Variants in KCNIP4 observed in about 807,000 individuals in gnomAD.
KCNIP4 encodes Kv channel-interacting protein 4.
Under a neutral mutation model 34.0 loss-of-function variants are expected in KCNIP4, and 12 were observed. The observed-to-expected ratio is 0.35, with a 90% CI of 0.23 to 0.57. The LOEUF is 0.57. Ranked by LOEUF, KCNIP4 falls within the 20% of genes least tolerant of loss-of-function variation. The pLI is 0.83. For synonymous variants in KCNIP4, 124 were observed against 102.2 expected (o/e 1.21, Z -1.29); for missense variants, 238 against 311.7 (o/e 0.76, Z 1.78).
intron 1 of KCNIP4, among the ~76,000 whole-genome samples, chr4:21,121,464 C>T (rs1046903396): frequency 1.3e-5 from 2 of 152,162 alleles, no homozygotes; most frequent in East Asian, 1.9e-4. Context: ...CTAAGTCACT[C>T]GTTACATATT....
intron 1 of KCNIP4, among the ~76,000 whole-genome samples, chr4:21,127,552 C>T (rs74515154): frequency 0.17 from 25,168 of 152,140 alleles, 2,408 homozygotes; most frequent in East Asian, 0.22. Flanking sequence ...CCCCATCAGA[C>T]GCCTAATAGA....
chr4:20,834,130 A>G (rs1047801138), intron 3 of KCNIP4, among the ~76,000 whole-genome samples: 1 of 152,208 alleles, frequency 6.6e-6, no homozygotes, highest in South Asian at 2.1e-4. Context: ...AACAAGGACC[A>G]AACAAACCAG....
chr4:20,780,374 G>A (rs553065278), intron 3 of KCNIP4, among the ~76,000 whole-genome samples: 2 of 152,176 alleles, frequency 1.3e-5, no homozygotes, highest in African/African-American at 2.4e-5. Context: ...TGAAGCTCAG[G>A]TGAGTGGCTG....
chr4:20,960,167 T>G (rs1442316530), intron 1 of KCNIP4, among the ~76,000 whole-genome samples: 1 of 152,210 alleles, frequency 6.6e-6, no homozygotes, highest in African/African-American at 2.4e-5. Flanking sequence ...AAGCATGTGT[T>G]CCAGGACTGA....
chr4:20,844,813 A>G (rs1720170323), intron 3 of KCNIP4, among the ~76,000 whole-genome samples: 1 of 152,154 alleles, frequency 6.6e-6, no homozygotes, highest in Non-Finnish European at 1.5e-5. Context: ...AACACTTTGA[A>G]TGGGGTGGAA....
chr4:21,840,109 TTCATTATGC>T (rs1222380897), intron 1 of KCNIP4, among the ~76,000 whole-genome samples: 3 of 151,946 alleles, frequency 2.0e-5, no homozygotes, highest in Admixed American at 6.6e-5. Flanking sequence ...CGGAGGTAAG[TTCATTATGC>T]ACAGCAGATG....
intron 1 of KCNIP4, among the ~76,000 whole-genome samples, chr4:21,546,335 T>G (rs1017685616): frequency 6.6e-6 from 1 of 152,106 alleles, no homozygotes; most frequent in Non-Finnish European, 1.5e-5. Flanking sequence ...TTATATTGAA[T>G]GGGTAGTCTA....
intron 1 of KCNIP4, among the ~76,000 whole-genome samples, chr4:21,716,469 C>T (rs555820283): frequency 1.3e-5 from 2 of 152,102 alleles, no homozygotes; most frequent in African/African-American, 4.8e-5. Context: ...AACTCCTGAC[C>T]TCAGGTAATC....
At chr4:21,643,575 A>AT (rs1317700078) in intron 1 of KCNIP4, among the ~76,000 whole-genome samples, 8 of 152,184 alleles carry the variant, frequency 5.3e-5, no homozygotes, top group African/African-American at 1.9e-4. Context: ...CCATGAAGCT[A>AT]TTTTTTAGAT....
chr4:21,142,735 A>C (rs1437237966), intron 1 of KCNIP4, among the ~76,000 whole-genome samples: 2 of 152,176 alleles, frequency 1.3e-5, no homozygotes, highest in Non-Finnish European at 2.9e-5. Context: ...TGGACTCCCA[A>C]GAAACGTGTC....
rs1036144206 is a variant in KCNIP4 at position 21,159,293 on chromosome 4, C to G, written c.62-276584G>C. The stretch of plus-strand genomic sequence containing the variant: ...GTTAATCAATGGAATAGAAATGGAC[C>G]CATGAATATGTAGAATATTGATTTT... On this transcript the variant is annotated intron_variant, in intron 1 of 8. Coordinates refer to ENST00000382152, the MANE Select transcript of KCNIP4 (RefSeq NM_025221.6). Among the ~76,000 whole-genome samples, 6 of 152,086 alleles carry G rather than the reference C, an allele frequency of 3.9e-5. No individual in the cohort carries two copies. The South Asian group carries it at 1.0e-3, about 26-fold the overall frequency.
intron 1 of KCNIP4, among the ~76,000 whole-genome samples, chr4:21,796,775 T>C (rs1379722119): frequency 6.6e-6 from 1 of 152,234 alleles, no homozygotes; most frequent in Non-Finnish European, 1.5e-5. Flanking sequence ...ACTATGAAAC[T>C]GATGCATTTA....
chr4:21,073,874 T>A (rs899935736), intron 1 of KCNIP4, among the ~76,000 whole-genome samples: 3 of 152,210 alleles, frequency 2.0e-5, no homozygotes, highest in Non-Finnish European at 2.9e-5. Context: ...CAAAGGCCTT[T>A]TCTGCATCTA....
At chr4:20,777,955 C>T (rs1287120467) in intron 3 of KCNIP4, among the ~76,000 whole-genome samples, 1 of 152,050 alleles carries the variant, frequency 6.6e-6, no homozygotes, top group Non-Finnish European at 1.5e-5. Context: ...TGGTGGGAAG[C>T]TACATTTAAA....
intron 1 of KCNIP4, among the ~76,000 whole-genome samples, chr4:21,018,764 T>C (rs1339989962): frequency 6.6e-6 from 1 of 152,196 alleles, no homozygotes; most frequent in African/African-American, 2.4e-5. Context: ...CCTGTATATA[T>C]AGCGCTGACA....
chr4:20,776,794 C>G (rs1332978542), intron 3 of KCNIP4, among the ~76,000 whole-genome samples: 1 of 152,002 alleles, frequency 6.6e-6, no homozygotes, highest in Admixed American at 6.6e-5. Flanking sequence ...AACAATGAAC[C>G]AAATATTACT....
In KCNIP4 at chr4:21,299,452, C is replaced by T. The variant is rs138801902; in HGVS notation, c.62-416743G>A. ...GATGAACCATAAGAGACCCTAAAGGCGGTATATGTATTCCCTTTATTTCAT... is the reference window on the plus strand; with the variant it reads ...GATGAACCATAAGAGACCCTAAAGGTGGTATATGTATTCCCTTTATTTCAT... On this transcript the variant is annotated intron_variant, in intron 1 of 8. Coordinates refer to ENST00000382152, the MANE Select transcript of KCNIP4 (RefSeq NM_025221.6). Among the ~76,000 whole-genome samples the T allele has an allele frequency of 2.0e-3, 299 of 152,048 alleles. 3 individuals are homozygous for T. Among genetic ancestry groups the T allele is most frequent in the Admixed American group, 0.016 (243 of 15,276 alleles).
intron 1 of KCNIP4, among the ~76,000 whole-genome samples, chr4:21,856,798 A>G (rs569532359): frequency 7.9e-5 from 12 of 152,124 alleles, no homozygotes; most frequent in African/African-American, 2.6e-4. Flanking sequence ...CCCCACTCCA[A>G]GCGCCCACTC....
chr4:21,240,460 G>T (rs966171991), intron 1 of KCNIP4, among the ~76,000 whole-genome samples: 1 of 152,118 alleles, frequency 6.6e-6, no homozygotes, highest in East Asian at 1.9e-4. Flanking sequence ...CTAGCCATCT[G>T]CAGCAGATAA....
Sources: allele counts gnomAD v4.1 joint callset (sites outside exome capture counted in the v4.1 genomes callset), GRCh38; gene constraint gnomAD v4.1.1; transcripts MANE v1.5; gene names NCBI Gene and HGNC (gene_info 2026-07-23, HGNC 2026-07-21).